Variants in OPCML observed in about 807,000 individuals in gnomAD.
OPCML encodes the protein opioid-binding protein/cell adhesion molecule.
Under a neutral mutation model 37.8 loss-of-function variants are expected in OPCML, and 13 were observed. That is an observed-to-expected ratio of 0.34 (90% CI 0.22 to 0.55). OPCML has a LOEUF of 0.55. Ranked by LOEUF, OPCML falls within the 20% of genes least tolerant of loss-of-function variation. OPCML has a pLI of 0.91. For synonymous variants in OPCML, 176 were observed against 168.8 expected, an observed-to-expected ratio of 1.04 and a Z score of -0.33; for missense variants, 341 against 435.6, an observed-to-expected ratio of 0.78 and a Z score of 1.93.
intron 1 of OPCML, among the ~76,000 whole-genome samples, chr11:133,288,218 A>G (rs1565550930): frequency 6.6e-6 from 1 of 152,134 alleles, no homozygotes; most frequent in Non-Finnish European, 1.5e-5. Flanking sequence ...TGCTTTTAAA[A>G]GGCACTGGTC....
chr11:132,486,953 A>T (rs2096201804), intron 4 of OPCML, among the ~76,000 whole-genome samples: 1 of 152,354 alleles, frequency 6.6e-6, no homozygotes, highest in Admixed American at 6.5e-5. Flanking sequence ...ATTGCATCTC[A>T]TTGCATATTA....
chr11:133,480,531 T>G (rs922585580), intron 1 of OPCML, among the ~76,000 whole-genome samples: 3 of 152,228 alleles, frequency 2.0e-5, no homozygotes, highest in African/African-American at 7.2e-5. Flanking sequence ...ATCTGCTCCC[T>G]CTTTGAGACT....
chr11:132,865,624 G>A lies in OPCML; in HGVS notation c.146+77302C>T, dbSNP rs140650655. ...AAATGCATGTAAGGCCAGTGTAGACGCTATTATCAGTCCTCTGTAGACTTG... is the reference window on the plus strand; with the variant it reads ...AAATGCATGTAAGGCCAGTGTAGACACTATTATCAGTCCTCTGTAGACTTG... On this transcript the variant is annotated intron_variant, in intron 2 of 7. Transcript: ENST00000524381. Among the ~76,000 whole-genome samples the A allele has an allele frequency of 1.1e-4, 16 of 152,190 alleles. No homozygotes were observed. The East Asian group carries it at 2.7e-3, about 26-fold the overall frequency.
chr11:133,158,712 A>T (rs983543366), intron 1 of OPCML, among the ~76,000 whole-genome samples: 2 of 134,204 alleles, frequency 1.5e-5, no homozygotes, highest in African/African-American at 3.0e-5. Context: ...ATAAAATTAA[A>T]AAAATAAAAT....
chr11:133,008,745 C>T (rs1049638568), intron 1 of OPCML: 2 of 325,728 alleles, frequency 6.1e-6, no homozygotes, highest in Admixed American at 1.3e-4. Flanking sequence ...ATGACTGCAA[C>T]AATGTCCACT....
intron 1 of OPCML, among the ~76,000 whole-genome samples, chr11:133,143,907 A>G (rs1949860773): frequency 1.3e-5 from 2 of 152,218 alleles, no homozygotes; most frequent in Admixed American, 1.3e-4. Flanking sequence ...AGGAAGAGGT[A>G]AGAGAGATGG....
chr11:132,692,459 T>C (rs1434261004), intron 2 of OPCML, among the ~76,000 whole-genome samples: 1 of 152,208 alleles, frequency 6.6e-6, no homozygotes, highest in Non-Finnish European at 1.5e-5. Context: ...TAGTAAGCTG[T>C]ATTAAAGAGA....
intron 3 of OPCML, among the ~76,000 whole-genome samples, chr11:132,599,906 G>T (rs896327122): frequency 3.3e-5 from 5 of 152,104 alleles, no homozygotes; most frequent in Admixed American, 2.0e-4. Flanking sequence ...GACGCTTTTG[G>T]ATAATCTCAA....
intron 4 of OPCML, among the ~76,000 whole-genome samples, chr11:132,466,853 T>C (rs1372347944): frequency 1.3e-5 from 2 of 152,196 alleles, no homozygotes; most frequent in Non-Finnish European, 2.9e-5. Context: ...CTGAGGCAGG[T>C]AATTTTAATT....
At chr11:132,542,837 C>T (rs1170997405) in intron 3 of OPCML, among the ~76,000 whole-genome samples, 1 of 152,136 alleles carries the variant, frequency 6.6e-6, no homozygotes, top group East Asian at 1.9e-4. Context: ...TGACTGAACA[C>T]CCACGCCTCT....
chr11:133,470,763 T>C (rs1021360936), intron 1 of OPCML, among the ~76,000 whole-genome samples: 2 of 152,180 alleles, frequency 1.3e-5, no homozygotes, highest in South Asian at 2.1e-4. Context: ...CAACTAACCA[T>C]TGAAAGCAAA....
At chr11:132,656,213 G>A (rs1480165518) in intron 3 of OPCML, among the ~76,000 whole-genome samples, 5 of 152,114 alleles carry the variant, frequency 3.3e-5, no homozygotes, top group East Asian at 1.9e-4. Context: ...ATGATAGTTG[G>A]GGTCAAGTTC....
intron 1 of OPCML, among the ~76,000 whole-genome samples, chr11:133,216,532 G>C (rs924705549): frequency 3.9e-5 from 6 of 152,186 alleles, no homozygotes; most frequent in African/African-American, 1.2e-4. Flanking sequence ...ATAAATAGCT[G>C]TATCTGCCAT....
At chr11:132,511,410 T>C (rs1442231213) in intron 4 of OPCML, among the ~76,000 whole-genome samples, 2 of 152,098 alleles carry the variant, frequency 1.3e-5, no homozygotes, top group African/African-American at 2.4e-5. Context: ...TTGGTAAATA[T>C]TGTCAAACCG....
At chr11:133,439,385 G>GA in intron 1 of OPCML, 1 of 985,012 alleles carries the variant, frequency 1.0e-6, no homozygotes, top group Non-Finnish European at 1.2e-6. Flanking sequence ...GAGTTTATAG[G>GA]AAAAATTCCG....
intron 1 of OPCML, among the ~76,000 whole-genome samples, chr11:133,078,200 C>T (rs148351433): frequency 6.6e-6 from 1 of 152,282 alleles, no homozygotes; most frequent in Non-Finnish European, 1.5e-5. Flanking sequence ...GCACCGAGCA[C>T]GCCACGGTGG....
intron 4 of OPCML, among the ~76,000 whole-genome samples, chr11:132,526,709 G>T (rs2096309431): frequency 1.3e-5 from 2 of 152,048 alleles, no homozygotes; most frequent in Admixed American, 1.3e-4. Flanking sequence ...GATCATTATT[G>T]TCTACATTTC....
At chr11:132,568,606 CAAT>C (rs2096429991) in intron 3 of OPCML, among the ~76,000 whole-genome samples, 1 of 152,164 alleles carries the variant, frequency 6.6e-6, no homozygotes, top group African/African-American at 2.4e-5. Context: ...ACTGGAAGGA[CAAT>C]AAGGACGGCC....
intron 2 of OPCML, among the ~76,000 whole-genome samples, chr11:132,834,024 T>A (rs1233457099): frequency 6.6e-6 from 1 of 152,202 alleles, no homozygotes; most frequent in Non-Finnish European, 1.5e-5. Context: ...TTATAGACAA[T>A]TTTTGAGTAA....
Sources: allele counts gnomAD v4.1 joint callset (sites outside exome capture counted in the v4.1 genomes callset), GRCh38; gene constraint gnomAD v4.1.1; transcripts MANE v1.5; gene names NCBI Gene and HGNC (gene_info 2026-07-23, HGNC 2026-07-21).